Variants in SBF2 observed in about 807,000 individuals in gnomAD.
SBF2 encodes SET binding factor 2, also known as myotubularin-related protein 13.
Under a neutral mutation model 225.2 loss-of-function variants are expected in SBF2, and 112 were observed. The ratio of observed to expected loss-of-function variants is 0.50; its 90% CI spans 0.43 to 0.58. SBF2 has a LOEUF of 0.58. Among genes scored for constraint, SBF2 ranks in the 20% least tolerant of loss-of-function variants. SBF2 has a pLI of 0.00. For missense variants in SBF2, 1,996 were observed against 2,206.2 expected (o/e 0.90, Z 1.91); for synonymous variants, 763 against 773.3 (o/e 0.99, Z 0.22).
At chr11:9,945,021 C>T (rs1229684336) in intron 16 of SBF2, among the ~76,000 whole-genome samples, 5 of 152,180 alleles carry the variant, frequency 3.3e-5, no homozygotes, top group African/African-American at 1.2e-4. Context: ...AGGAGGATCA[C>T]TTGAGCCCAG....
intron 2 of SBF2, among the ~76,000 whole-genome samples, chr11:10,094,118 G>A (rs111867671): frequency 0.2 from 30,365 of 152,114 alleles, 3,917 homozygotes; most frequent in Non-Finnish European, 0.3. Flanking sequence ...ATCACCTAAG[G>A]TCAGGAGTTT....
At chr11:9,992,347 A>G in intron 12 of SBF2, 68 bp downstream of exon 12, 2 of 1,295,558 alleles carry the variant, frequency 1.5e-6, no homozygotes, top group Non-Finnish European at 2.1e-6. Flanking sequence ...GGAAAATGTT[A>G]CTTTTTACTT....
At chr11:9,918,854 T>G (rs1392116105) in intron 16 of SBF2, among the ~76,000 whole-genome samples, 2 of 152,032 alleles carry the variant, frequency 1.3e-5, no homozygotes, top group Non-Finnish European at 2.9e-5. Flanking sequence ...TTCTCCTGCC[T>G]CAGCCTCCTG....
intron 3 of SBF2, among the ~76,000 whole-genome samples, chr11:10,031,885 G>A (rs1949274142): frequency 6.6e-6 from 1 of 152,156 alleles, no homozygotes; most frequent in African/African-American, 2.4e-5. Flanking sequence ...TGGAATCATA[G>A]GCACACTCCA....
At chr11:10,057,455 G>T (rs1481647307) in intron 2 of SBF2, among the ~76,000 whole-genome samples, 2 of 152,084 alleles carry the variant, frequency 1.3e-5, no homozygotes, top group East Asian at 3.9e-4. Context: ...TTCTCCCATG[G>T]GTCCCACAAA....
intron 2 of SBF2, among the ~76,000 whole-genome samples, chr11:10,114,262 T>C (rs1188146353): frequency 6.6e-6 from 1 of 152,236 alleles, no homozygotes; most frequent in Non-Finnish European, 1.5e-5. Flanking sequence ...TAAGTGTAGA[T>C]TTATTTGTAT....
chr11:10,165,921 A>G (rs972108172), intron 2 of SBF2, among the ~76,000 whole-genome samples: 2 of 152,232 alleles, frequency 1.3e-5, no homozygotes, highest in African/African-American at 2.4e-5. Flanking sequence ...TACTTTTAGC[A>G]TATGTCAAGT....
chr11:9,967,941 CTG>C lies in SBF2; in HGVS notation c.1600+398_1600+399del, dbSNP rs1188958647. Reference sequence around the variant, plus strand: ...TCTGTCTGTCTGTCTGTCTGTCTGTCTGTCTGTCTCTCTCTCTCTCTCTCTCT... The same window carrying C: ...TCTGTCTGTCTGTCTGTCTGTCTGTCTCTGTCTCTCTCTCTCTCTCTCTCT... On this transcript the variant is annotated intron_variant, in intron 14 of 39. Transcript: ENST00000256190. 7.9e-3 allele frequency among the ~76,000 whole-genome samples: 970 copies of C among 123,030 alleles called. 5 individuals are homozygous for C. Among genetic ancestry groups the C allele is most frequent in the Non-Finnish European group, 9.4e-3 (528 of 56,458 alleles). The allele number at this position is 123,030 out of a possible 152,430, so 80.7% of individuals were successfully genotyped here. A position where few individuals can be genotyped will look rare whatever the true frequency, so the allele number is the denominator to read the frequency against.
chr11:10,216,787 T>C (rs1275540879), intron 1 of SBF2, among the ~76,000 whole-genome samples: 1 of 152,100 alleles, frequency 6.6e-6, no homozygotes, highest in Non-Finnish European at 1.5e-5. Flanking sequence ...GGAGAATCGC[T>C]TGAAACCGGG....
At position 9,932,957 on chromosome 11, in the gene SBF2, C is replaced by CAAAAAAAA. The variant is rs574177096; in HGVS notation, c.1860+28992_1860+28999dup. 2.6e-4 allele frequency among the ~76,000 whole-genome samples: 15 copies of CAAAAAAAA among 58,768 alleles called. 1 individual carries two copies. In the East Asian group the frequency reaches 7.1e-3, roughly 28 times the overall value. 38.6% of individuals were successfully genotyped at this position (58,768 alleles called of 152,430 possible). ...GGAGATCTACCAAGCAAACGAAAAG[C>CAAAAAAAA]AAAAAAAAAAAAAAAAAAAAAAAAA... On this transcript the variant is annotated intron_variant, in intron 16 of 39. Transcript: ENST00000256190.
chr11:9,805,255 A>AG (rs1035110151), intron 32 of SBF2, among the ~76,000 whole-genome samples: 3 of 151,990 alleles, frequency 2.0e-5, no homozygotes, highest in African/African-American at 7.2e-5. Flanking sequence ...CAAAAAAAAA[A>AG]AAAAATTATA....
At chr11:10,011,017 A>G (rs768355569) in intron 6 of SBF2, among the ~76,000 whole-genome samples, 1 of 152,090 alleles carries the variant, frequency 6.6e-6, no homozygotes, top group Non-Finnish European at 1.5e-5. Context: ...ATGGGAGTTC[A>G]CTCATGATTT....
intron 17 of SBF2, among the ~76,000 whole-genome samples, chr11:9,892,665 T>C (rs1323428302): frequency 1.3e-5 from 2 of 151,990 alleles, no homozygotes; most frequent in East Asian, 3.9e-4. Context: ...GTTCAAGCAA[T>C]TCTCCTGCCA....
At chr11:9,913,638 A>C (rs1862827557) in intron 16 of SBF2, among the ~76,000 whole-genome samples, 1 of 117,654 alleles carries the variant, frequency 8.5e-6, no homozygotes, top group African/African-American at 3.4e-5. Context: ...AATAGCTGAG[A>C]TTAAAAAAAT....
chr11:10,122,125 T>C (rs1565253754), intron 2 of SBF2, among the ~76,000 whole-genome samples: 2 of 152,180 alleles, frequency 1.3e-5, no homozygotes, highest in Non-Finnish European at 2.9e-5. Flanking sequence ...AAAAAAATCA[T>C]ATGCTTAGGC....
At chr11:9,939,264 T>G (rs1865103221) in intron 16 of SBF2, among the ~76,000 whole-genome samples, 1 of 151,976 alleles carries the variant, frequency 6.6e-6, no homozygotes, top group African/African-American at 2.4e-5. Flanking sequence ...CCCGGCTAAT[T>G]TTTTTCTATT....
At chr11:10,064,021 TA>T (rs1238546962) in intron 2 of SBF2, among the ~76,000 whole-genome samples, 1 of 152,094 alleles carries the variant, frequency 6.6e-6, no homozygotes, top group East Asian at 1.9e-4. Context: ...TATGACTGCA[TA>T]AAACAATGAA....
chr11:9,963,989 AC>A (rs1406561628), intron 14 of SBF2, 107 bp from the exon 15 acceptor site: 2 of 691,270 alleles, frequency 2.9e-6, no homozygotes, highest in Non-Finnish European at 2.5e-6. Context: ...GGAGGCTCAC[AC>A]CCGTAATCCC....
At position 9,993,066 on chromosome 11, in the gene SBF2, G is replaced by A; in HGVS notation, c.1091C>T (p.Ala364Val). 1 of 1,612,362 alleles carries A rather than the reference G, an allele frequency of 6.2e-7. No individual in the cohort carries two copies. The highest frequency in any genetic ancestry group is 8.5e-7 in the Non-Finnish European group (1 of 1,179,616). The change falls in exon 11 of 40, where the codon GCA becomes GTA. Residue 364 changes from alanine to valine, a missense_variant. Physicochemically the swap from Ala to Val is moderately conservative, Grantham distance 64 (BLOSUM62 0). Coordinates refer to ENST00000256190, the MANE Select transcript of SBF2 (RefSeq NM_030962.4). ...EVRAVFLRLF[A>V]QLFQGYRSCL... ...GGATCTATATCCTTGGAAGAGTTGT[G>A]CAAATAATCTAAGGAAAACGGCTCG...
Sources: gnomAD v4.1 joint callset for allele counts (sites outside exome capture counted in the v4.1 genomes callset) on GRCh38, gnomAD v4.1.1 for gene constraint, MANE v1.5 for transcripts, NCBI Gene and HGNC (gene_info 2026-07-23, HGNC 2026-07-21) for gene names.